Variants in ABCB1 observed in about 807,000 individuals in gnomAD.
ABCB1 encodes ATP binding cassette subfamily B member 1, also known as ATP-dependent translocase ABCB1.
ABCB1 carries 69 observed loss-of-function variants against 142.0 expected under a neutral mutation model. The ratio of observed to expected loss-of-function variants is 0.49; its 90% confidence interval spans 0.40 to 0.59. The LOEUF is 0.59. ABCB1 is among the 20% of genes least tolerant of loss of function. ABCB1 has a pLI of 0.00. For missense variants in ABCB1, 1,326 were observed against 1,554.7 expected (o/e 0.85, Z 2.47); for synonymous variants, 532 against 539.2 (o/e 0.99, Z 0.18).
intron 1 of ABCB1, among the ~76,000 whole-genome samples, chr7:87,606,707 G>A (rs1356056672): frequency 6.6e-6 from 1 of 152,096 alleles, no homozygotes; most frequent in Non-Finnish European, 1.5e-5. Context: ...TAATATTAGA[G>A]ATAAAGATAT....
At chr7:87,568,400 T>A in intron 5 of ABCB1, among the ~76,000 whole-genome samples, 1 of 144,846 alleles carries the variant, frequency 6.9e-6, no homozygotes, top group Non-Finnish European at 1.5e-5. Flanking sequence ...GGTGACAGAG[T>A]AAAACTCCAT....
At chr7:87,640,192 G>GTA (rs772972684) in intron 1 of ABCB1, among the ~76,000 whole-genome samples, 2,330 of 145,408 alleles carry the variant, frequency 0.016, 44 homozygotes, top group African/African-American at 0.044. Flanking sequence ...ATATATATGT[G>GTA]TATATATATA....
chr7:87,658,610 C>T (rs1367974215), intron 1 of ABCB1, among the ~76,000 whole-genome samples: 1 of 151,948 alleles, frequency 6.6e-6, no homozygotes, highest in Non-Finnish European at 1.5e-5. Context: ...TAAATAAAGA[C>T]AAAGAAAAAA....
At position 87,536,638 on chromosome 7, in the gene ABCB1, C is replaced by A. The variant is rs540256528; in HGVS notation, c.2398-97G>T. The A allele has an allele frequency of 3.1e-5, 31 of 1,007,368 alleles. No individual in the cohort carries two copies. The South Asian group carries it at 3.9e-4, about 13-fold the overall frequency. The allele number at this position is 1,007,368 out of a possible 1,614,324, so 62.4% of individuals were successfully genotyped here. A position where few individuals can be genotyped will look rare whatever the true frequency, so the allele number is the denominator to read the frequency against. ...GGGGTCAGTTTTGTTTATACTTATA[C>A]CCCCTGCATTTAGTACTCAGGATGT... On this transcript the variant is annotated intron_variant, in intron 19 of 27. Coordinates refer to ENST00000622132, the MANE Select transcript of ABCB1 (RefSeq NM_001348946.2).
chr7:87,705,934 T>C (rs1235700675), intron 1 of ABCB1, among the ~76,000 whole-genome samples: 1 of 152,206 alleles, frequency 6.6e-6, no homozygotes, highest in Admixed American at 6.5e-5. Flanking sequence ...TTTTTCATTT[T>C]CTTGGCCCCA....
At chr7:87,593,926 A>G (rs1186769491) in intron 3 of ABCB1, among the ~76,000 whole-genome samples, 1 of 152,216 alleles carries the variant, frequency 6.6e-6, no homozygotes, top group East Asian at 1.9e-4. Flanking sequence ...CATTAGCCAT[A>G]AATCCTCTGG....
chr7:87,588,320 C>T (rs1300679828), intron 3 of ABCB1, among the ~76,000 whole-genome samples: 1 of 152,046 alleles, frequency 6.6e-6, no homozygotes, highest in African/African-American at 2.4e-5. Context: ...TTTCCTGATC[C>T]TCTCCCTCCT....
upstream of ABCB1, among the ~76,000 whole-genome samples, chr7:87,601,800 A>G (rs1016826340): frequency 3.9e-5 from 6 of 152,170 alleles, no homozygotes; most frequent in Admixed American, 3.3e-4. Context: ...CATATTACCT[A>G]TCAGTTTATT....
chr7:87,597,056 G>A (rs1438423043), intron 2 of ABCB1, among the ~76,000 whole-genome samples: 1 of 152,008 alleles, frequency 6.6e-6, no homozygotes, highest in Non-Finnish European at 1.5e-5. Flanking sequence ...ACACATTTTT[G>A]TTCTTTTAGA....
intron 25 of ABCB1, among the ~76,000 whole-genome samples, chr7:87,511,671 A>G (rs899074757): frequency 6.6e-6 from 1 of 152,250 alleles, no homozygotes; most frequent in Non-Finnish European, 1.5e-5. Flanking sequence ...AAGGTCACAC[A>G]ATTAGTAATT....
At chr7:87,554,926 GA>G (rs530002558) in intron 8 of ABCB1, among the ~76,000 whole-genome samples, 3 of 151,934 alleles carry the variant, frequency 2.0e-5, no homozygotes, top group Admixed American at 6.5e-5. Flanking sequence ...ATGAGCAAAT[GA>G]AAAAAAATCG....
At chr7:87,594,868 C>A (rs1171595703) in intron 3 of ABCB1, among the ~76,000 whole-genome samples, 1 of 152,154 alleles carries the variant, frequency 6.6e-6, no homozygotes, top group Non-Finnish European at 1.5e-5. Context: ...GCAAGACAAT[C>A]TATCCACTCC....
At chr7:87,639,153 CAA>C (rs71117547) in intron 1 of ABCB1, among the ~76,000 whole-genome samples, 43 of 87,732 alleles carry the variant, frequency 4.9e-4, no homozygotes, top group African/African-American at 1.9e-3. Context: ...GACTCCGTCT[CAA>C]AAAAAAAAAA....
intron 1 of ABCB1, among the ~76,000 whole-genome samples, chr7:87,687,993 C>T (rs1432387908): frequency 1.3e-5 from 2 of 152,120 alleles, no homozygotes; most frequent in African/African-American, 2.4e-5. Flanking sequence ...TCTGTAGTAA[C>T]ATATGAACAC....
intron 21 of ABCB1, among the ~76,000 whole-genome samples, chr7:87,529,084 A>G (rs148147464): frequency 7.2e-5 from 11 of 152,190 alleles, no homozygotes; most frequent in Non-Finnish European, 1.6e-4. Context: ...GCATTATTAG[A>G]TTTTTATTTA....
Position 87,537,586 on chromosome 7 carries a change from G to A in ABCB1, c.2398-1045C>T, listed in dbSNP as rs1816354409. Reference sequence around the variant, plus strand: ...AGTGGGTAAGGAATAAGGCTGGTGGGGAGGGGAAGAGTCAAAAGCTCCATT... The same window carrying A: ...AGTGGGTAAGGAATAAGGCTGGTGGAGAGGGGAAGAGTCAAAAGCTCCATT... On this transcript the variant is annotated intron_variant, in intron 19 of 27. Transcript: ENST00000622132. Among the ~76,000 whole-genome samples, 4 of 152,250 alleles carry A rather than the reference G, an allele frequency of 2.6e-5. No homozygotes were observed. The South Asian group carries it at 8.3e-4, about 32-fold the overall frequency.
At position 87,516,591 on chromosome 7, in the gene ABCB1, G is replaced by C. The variant is rs752955240; in HGVS notation, c.3002C>G (p.Ala1001Gly). ...VSSFAPDYAKAKISAAHIIMI... is the reference protein window; with the variant it reads ...VSSFAPDYAKGKISAAHIIMI... ...GATGATGTGGGCTGCTGATATTTTG[G>C]CTTTGGCATAGTCAGGAGCAAATGA... The change falls in exon 24 of 28, where the codon GCC becomes GGC. Residue 1001 changes from alanine (A) to glycine (G), a missense_variant. Transcript: ENST00000622132. 6.2e-7 allele frequency: 1 copy of C among 1,614,168 alleles called. No homozygotes were observed. The highest frequency in any genetic ancestry group is 1.1e-5 in the South Asian group (1 of 91,086).
chr7:87,677,274 A>AACAC (rs57009840), intron 1 of ABCB1, among the ~76,000 whole-genome samples: 1,630 of 135,864 alleles, frequency 0.012, 16 homozygotes, highest in African/African-American at 0.026. Context: ...CAGTGTATAT[A>AACAC]ACACACACAC....
chr7:87,679,937 A>G (rs980668929), intron 1 of ABCB1, among the ~76,000 whole-genome samples: 1 of 150,552 alleles, frequency 6.6e-6, no homozygotes, highest in Non-Finnish European at 1.5e-5. Flanking sequence ...TTTTTAAACA[A>G]ATTATACTTT....
Sources: allele counts gnomAD v4.1 joint callset (sites outside exome capture counted in the v4.1 genomes callset), GRCh38; gene constraint gnomAD v4.1.1; transcripts MANE v1.5; gene names NCBI Gene and HGNC (gene_info 2026-07-23, HGNC 2026-07-21).